OTOGL: variants seen among roughly 807,000 people sequenced by gnomAD.
OTOGL encodes the protein otogelin like, also known as otogelin-like protein.
In OTOGL, 285 loss-of-function variants were observed where a neutral mutation model predicts 318.5. That is an observed-to-expected ratio of 0.89 (90% CI 0.81 to 0.99). The LOEUF is 0.99. Among genes scored for constraint, OTOGL ranks in the 50% least tolerant of loss-of-function variants. The pLI, the probability that OTOGL is intolerant of heterozygous loss-of-function variation, is 0.00. For missense variants in OTOGL, 2,899 were observed against 2,845.6 expected (o/e 1.02, Z -0.43); for synonymous variants, 987 against 936.5 (o/e 1.05, Z -0.99).
intron 1 of OTOGL, among the ~76,000 whole-genome samples, chr12:80,154,323 AG>A (rs527415755): frequency 2.4e-4 from 37 of 152,106 alleles, no homozygotes; most frequent in South Asian, 2.3e-3. Flanking sequence ...GGGGGGAAAA[AG>A]AAAGCTTGGA....
intron 11 of OTOGL, among the ~76,000 whole-genome samples, chr12:80,246,095 A>C (rs1245932211): frequency 6.6e-6 from 1 of 151,754 alleles, no homozygotes; most frequent in Non-Finnish European, 1.5e-5. Context: ...ATACACAATC[A>C]TGTCATCTGC....
chr12:80,267,830 T>A (rs889001308), intron 22 of OTOGL, among the ~76,000 whole-genome samples: 7 of 152,012 alleles, frequency 4.6e-5, no homozygotes, highest in African/African-American at 1.7e-4. Context: ...ATAACCAAGT[T>A]TTGTACTCAT....
At chr12:80,284,328 G>A (rs1431998711) in intron 26 of OTOGL, among the ~76,000 whole-genome samples, 4 of 152,036 alleles carry the variant, frequency 2.6e-5, no homozygotes, top group African/African-American at 9.7e-5. Context: ...GAATAGTGCT[G>A]CAATAAACAT....
chr12:80,203,848 G>C (rs1876627592), intron 1 of OTOGL, among the ~76,000 whole-genome samples: 1 of 152,136 alleles, frequency 6.6e-6, no homozygotes, highest in African/African-American at 2.4e-5. Context: ...TAGACTTGAT[G>C]AGAAAATATG....
chr12:80,273,809 T>G (rs1365777654), intron 24 of OTOGL, among the ~76,000 whole-genome samples: 3 of 152,114 alleles, frequency 2.0e-5, no homozygotes, highest in African/African-American at 7.2e-5. Context: ...GCTTACTTGG[T>G]GTCTCTGTGT....
intron 11 of OTOGL, among the ~76,000 whole-genome samples, chr12:80,241,062 A>C (rs1283543649): frequency 5.9e-5 from 9 of 152,130 alleles, no homozygotes. Flanking sequence ...TTTTTAGTTT[A>C]GTAAAACCAC....
Position 80,238,903 on chromosome 12 carries a change from TCCAGA to T in OTOGL, c.871_875del (p.Pro291Ter). 1 of 1,590,360 alleles carries T rather than the reference TCCAGA, an allele frequency of 6.3e-7. No homozygotes were observed. Among genetic ancestry groups the T allele is most frequent in the Non-Finnish European group, 8.5e-7 (1 of 1,175,214 alleles). Reference sequence around the variant, plus strand: ...TTGCAAATAGTTGGTCGGTGCAAACTCCAGATGACACCAAATGTGTACTCACACCC... The same window carrying T: ...TTGCAAATAGTTGGTCGGTGCAAACTTGACACCAAATGTGTACTCACACCC... On this transcript the variant is annotated frameshift_variant, in exon 10 of 59. Transcript: ENST00000547103. LOFTEE classifies it high-confidence loss of function.
At chr12:80,117,799 A>G (rs1341478817) in intron 1 of OTOGL, among the ~76,000 whole-genome samples, 2 of 152,224 alleles carry the variant, frequency 1.3e-5, no homozygotes, top group African/African-American at 2.4e-5. Flanking sequence ...TTCCTTGGAT[A>G]CAAGCTTTGC....
chr12:80,337,000 G>GAAAGGT lies in OTOGL; in HGVS notation c.4859_4860+4dup. 1 of 1,566,996 alleles carries GAAAGGT rather than the reference G, an allele frequency of 6.4e-7. No homozygotes were observed. Among genetic ancestry groups the GAAAGGT allele is most frequent in the Non-Finnish European group, 8.7e-7 (1 of 1,151,826 alleles). ...AAAATAATTGTCAATCGGTTGGCAAGAAAGGTAAGAATACAAAGTTAAAAT... is the reference window on the plus strand; with the variant it reads ...AAAATAATTGTCAATCGGTTGGCAAGAAAGGTAAAGGTAAGAATACAAAGTTAAAAT... On this transcript the variant is annotated inframe_insertion, in exon 42 of 59. Coordinates refer to ENST00000547103, the MANE Select transcript of OTOGL (RefSeq NM_001378609.3).
intron 8 of OTOGL, 108 bp downstream of exon 8, chr12:80,229,486 CAACAATA>C: frequency 7.4e-7 from 1 of 1,344,842 alleles, no homozygotes; most frequent in African/African-American, 1.5e-5. Flanking sequence ...AGGATTTCTT[CAACAATA>C]CTCTTAAAGC....
At chr12:80,184,872 T>C (rs1009908605) in intron 1 of OTOGL, among the ~76,000 whole-genome samples, 8 of 152,174 alleles carry the variant, frequency 5.3e-5, no homozygotes, top group African/African-American at 1.9e-4. Context: ...TTTTCTGGCA[T>C]CTTATAAGTC....
chr12:80,370,330 A>G (rs970259375), intron 55 of OTOGL, among the ~76,000 whole-genome samples: 8 of 152,048 alleles, frequency 5.3e-5, no homozygotes, highest in Admixed American at 5.3e-4. Context: ...GAAACCTAGC[A>G]TATACAAACA....
chr12:80,197,283 G>A (rs1017053312), intron 1 of OTOGL, among the ~76,000 whole-genome samples: 1 of 152,038 alleles, frequency 6.6e-6, no homozygotes, highest in Non-Finnish European at 1.5e-5. Context: ...ACCACCTTGT[G>A]TACCTGTTCT....
chr12:80,218,795 C>CTTTTTTTTTTTTTTTT (rs34204072), intron 5 of OTOGL, among the ~76,000 whole-genome samples: 1 of 118,238 alleles, frequency 8.5e-6, no homozygotes, highest in African/African-American at 3.5e-5. Flanking sequence ...CTTTTTCTTT[C>CTTTTTTTTTTTTTTTT]TTTTTTTTTT....
chr12:80,266,355 G>A (rs955532933), intron 20 of OTOGL, 96 bp from the exon 21 acceptor site: 48 of 1,294,768 alleles, frequency 3.7e-5, no homozygotes, highest in Non-Finnish European at 4.8e-5. Context: ...CTTGTAACAG[G>A]CCAGCTTTCA....
rs571582919 is a variant in OTOGL at position 80,251,247 on chromosome 12, G to T, written c.1053-446G>T. ...TATTCCAGTATGTGGATAATCAAGA[G>T]TATGATCTTTTGGAAACAGCTTTCA... On this transcript the variant is annotated intron_variant, in intron 11 of 58. Transcript: ENST00000547103. 3.3e-5 allele frequency among the ~76,000 whole-genome samples: 5 copies of T among 152,280 alleles called. 1 individual carries two copies. The highest frequency in any genetic ancestry group is 1.2e-4 in the African/African-American group (5 of 41,554).
intron 6 of OTOGL, among the ~76,000 whole-genome samples, chr12:80,221,389 TGGGTAGCTG>T (rs1314844968): frequency 1.3e-5 from 2 of 151,832 alleles, no homozygotes; most frequent in South Asian, 2.1e-4. Flanking sequence ...CTCAGCCTCC[TGGGTAGCTG>T]GGATTACAGA....
chr12:80,304,302 A>C (rs1053756597), intron 28 of OTOGL, among the ~76,000 whole-genome samples: 1 of 152,120 alleles, frequency 6.6e-6, no homozygotes, highest in Non-Finnish European at 1.5e-5. Flanking sequence ...TATTTTTATT[A>C]AATATTGTTA....
At chr12:80,121,930 G>A (rs1309935365) in intron 1 of OTOGL, among the ~76,000 whole-genome samples, 1 of 152,118 alleles carries the variant, frequency 6.6e-6, no homozygotes, top group Non-Finnish European at 1.5e-5. Context: ...AATGCACAGT[G>A]ACACACACTT....
Sources: allele counts gnomAD v4.1 joint callset (sites outside exome capture counted in the v4.1 genomes callset), GRCh38; gene constraint gnomAD v4.1.1; transcripts MANE v1.5; gene names NCBI Gene and HGNC (gene_info 2026-07-23, HGNC 2026-07-21).